Variants in LPP observed in about 807,000 individuals in gnomAD.
LPP encodes the protein lipoma-preferred partner.
LPP carries 38 observed loss-of-function variants against 60.4 expected under a neutral mutation model. The observed-to-expected ratio is 0.63, with a 90% CI of 0.49 to 0.83. LPP has a LOEUF of 0.83. LPP is among the 40% of genes least tolerant of loss of function. The probability of loss-of-function intolerance (pLI) is 0.00; values close to 1 mark genes in which losing one functional copy is unlikely to be tolerated. For missense variants in LPP, 902 were observed against 783.6 expected, an observed-to-expected ratio of 1.15 and a Z score of -1.80; for synonymous variants, 328 against 290.8, an observed-to-expected ratio of 1.13 and a Z score of -1.30.
chr3:188,197,818 C>A (rs543845775), intron 1 of LPP, among the ~76,000 whole-genome samples: 1 of 152,186 alleles, frequency 6.6e-6, no homozygotes. Context: ...CAAGGTGCAA[C>A]CCCGTTATGT....
chr3:188,375,350 G>T (rs1212311166), intron 3 of LPP, among the ~76,000 whole-genome samples: 2 of 152,094 alleles, frequency 1.3e-5, no homozygotes, highest in African/African-American at 4.8e-5. Context: ...ACTTTTTTTG[G>T]TCAGTAAGCT....
At chr3:188,764,102 T>C (rs1363530970) in intron 9 of LPP, among the ~76,000 whole-genome samples, 1 of 152,202 alleles carries the variant, frequency 6.6e-6, no homozygotes, top group Non-Finnish European at 1.5e-5. Context: ...TCTTTGGTGA[T>C]ATGTCTCTTG....
chr3:188,196,210 G>A lies in LPP; in HGVS notation c.-189-29195G>A, dbSNP rs540206803. On this transcript the variant is annotated intron_variant, in intron 1 of 11. Coordinates refer to ENST00000617246, the MANE Select transcript of LPP (RefSeq NM_001375462.1). ...ATCCCATAAATACAAGCATTGCAGAGCTTTGTCTCATGACTGCTAGGTGTT... is the reference window on the plus strand; with the variant it reads ...ATCCCATAAATACAAGCATTGCAGAACTTTGTCTCATGACTGCTAGGTGTT... 9.9e-5 allele frequency among the ~76,000 whole-genome samples: 15 copies of A among 152,268 alleles called. No individual in the cohort carries two copies. In the South Asian group the frequency reaches 3.1e-3, roughly 32 times the overall value.
chr3:188,813,388 A>G (rs1751610191), intron 9 of LPP, among the ~76,000 whole-genome samples: 1 of 152,216 alleles, frequency 6.6e-6, no homozygotes, highest in African/African-American at 2.4e-5. Context: ...TGTAATCATC[A>G]GTAATCTGTT....
At chr3:188,383,476 C>T (rs1382626421) in intron 3 of LPP, among the ~76,000 whole-genome samples, 3 of 152,178 alleles carry the variant, frequency 2.0e-5, no homozygotes, top group Non-Finnish European at 2.9e-5. Context: ...GATAGGGACA[C>T]ATTTCATCTG....
intron 9 of LPP, 46 bp from the exon 10 acceptor site, chr3:188,866,154 A>AC: frequency 7.1e-7 from 1 of 1,400,794 alleles, no homozygotes; most frequent in Non-Finnish European, 9.4e-7. Flanking sequence ...TGCAGTATGG[A>AC]CCCCCTTCTG....
At chr3:188,188,347 G>A (rs764269371) in intron 1 of LPP, among the ~76,000 whole-genome samples, 20 of 152,182 alleles carry the variant, frequency 1.3e-4, no homozygotes, top group Non-Finnish European at 2.5e-4. Context: ...AAGATATAAT[G>A]TATTGGGACT....
At chr3:188,386,067 T>C (rs919582142) in intron 3 of LPP, among the ~76,000 whole-genome samples, 2 of 152,164 alleles carry the variant, frequency 1.3e-5, no homozygotes, top group Non-Finnish European at 2.9e-5. Context: ...ATTTATTCTT[T>C]TTTTCAATAG....
chr3:188,164,587 G>C (rs1479224437), intron 1 of LPP, among the ~76,000 whole-genome samples: 1 of 152,204 alleles, frequency 6.6e-6, no homozygotes, highest in Non-Finnish European at 1.5e-5. Context: ...ACAGGGCTGG[G>C]TGTGCCCTGA....
intron 2 of LPP, among the ~76,000 whole-genome samples, chr3:188,313,683 ATATACT>A (rs1754206246): frequency 1.3e-5 from 2 of 151,884 alleles, no homozygotes. Context: ...AGTTCTGTTG[ATATACT>A]TATGAGGTTT....
intron 2 of LPP, among the ~76,000 whole-genome samples, chr3:188,336,864 G>A (rs985004620): frequency 6.6e-6 from 1 of 152,138 alleles, no homozygotes; most frequent in African/African-American, 2.4e-5. Context: ...TCAGCTGAGC[G>A]ATGGCACCAA....
intron 2 of LPP, among the ~76,000 whole-genome samples, chr3:188,324,570 T>G (rs576175845): frequency 6.6e-6 from 1 of 152,372 alleles, no homozygotes; most frequent in East Asian, 1.9e-4. Flanking sequence ...AGTGCGTGTT[T>G]GTTCTGCCTC....
intron 9 of LPP, among the ~76,000 whole-genome samples, chr3:188,850,427 A>G (rs1762444396): frequency 6.6e-6 from 1 of 152,198 alleles, no homozygotes; most frequent in Non-Finnish European, 1.5e-5. Context: ...AAATTGTGAT[A>G]TGTGAAATAT....
intron 2 of LPP, among the ~76,000 whole-genome samples, chr3:188,242,030 G>A (rs1029509820): frequency 6.6e-6 from 1 of 152,122 alleles, no homozygotes; most frequent in African/African-American, 2.4e-5. Context: ...CAAATCGCAG[G>A]GTGGATGATG....
At chr3:188,249,423 C>T (rs980367311) in intron 2 of LPP, among the ~76,000 whole-genome samples, 8 of 149,028 alleles carry the variant, frequency 5.4e-5, no homozygotes, top group Non-Finnish European at 8.9e-5. Context: ...GGCGACAGAG[C>T]AAGAGTGTCT....
chr3:188,468,207 C>T (rs1333669739), intron 4 of LPP, among the ~76,000 whole-genome samples: 1 of 152,116 alleles, frequency 6.6e-6, no homozygotes, highest in Non-Finnish European at 1.5e-5. Context: ...TATTTCCTGT[C>T]TGTTTAACCC....
chr3:188,738,393 A>T (rs746344289), intron 8 of LPP, among the ~76,000 whole-genome samples: 4 of 152,200 alleles, frequency 2.6e-5, no homozygotes, highest in Non-Finnish European at 5.9e-5. Context: ...GAGGTAGTTT[A>T]TACCCAGATA....
At chr3:188,854,483 T>G (rs1763375063) in intron 9 of LPP, among the ~76,000 whole-genome samples, 2 of 152,196 alleles carry the variant, frequency 1.3e-5, no homozygotes, top group Non-Finnish European at 2.9e-5. Context: ...GATGTTGGCA[T>G]GTCTTTATGG....
chr3:188,625,704 A>G (rs1033988617), intron 7 of LPP, among the ~76,000 whole-genome samples: 1 of 152,192 alleles, frequency 6.6e-6, no homozygotes, highest in African/African-American at 2.4e-5. Context: ...AGATTGATAA[A>G]CATGAAATTC....
Sources: allele counts gnomAD v4.1 joint callset (sites outside exome capture counted in the v4.1 genomes callset), GRCh38; gene constraint gnomAD v4.1.1; transcripts MANE v1.5; gene names NCBI Gene and HGNC (gene_info 2026-07-23, HGNC 2026-07-21).